CTH: variants seen among roughly 807,000 people sequenced by gnomAD.
The protein encoded by CTH is cystathionine gamma-lyase.
CTH carries 41 observed loss-of-function variants against 50.6 expected under a neutral mutation model. The ratio of observed to expected loss-of-function variants is 0.81; its 90% CI spans 0.63 to 1.05. The LOEUF (loss-of-function observed/expected upper bound fraction) is 1.05, where lower values mean the gene tolerates loss of function less well. Among genes scored for constraint, CTH ranks in the 50% least tolerant of loss-of-function variants. The pLI is 0.00. For synonymous variants in CTH, 156 were observed against 168.9 expected (o/e 0.92, Z 0.59); for missense variants, 470 against 492.6 (o/e 0.95, Z 0.43).
At chr1:70,435,289 G>A (rs1684575028) in intron 10 of CTH, 112 bp downstream of exon 10, 1 of 1,008,738 alleles carries the variant, frequency 9.9e-7, no homozygotes, top group Non-Finnish European at 1.5e-6. Flanking sequence ...AATAAGAATA[G>A]CAGGACATTA....
At chr1:70,435,574 A>C (rs1249932728) in intron 10 of CTH, among the ~76,000 whole-genome samples, 1 of 151,850 alleles carries the variant, frequency 6.6e-6, no homozygotes, top group Admixed American at 6.6e-5. Context: ...GTCTCTGATG[A>C]AACTCCTCCA....
Position 70,411,292 on chromosome 1 carries a change from G to A in CTH, c.-124G>A. 1 of 961,700 alleles carries A rather than the reference G, an allele frequency of 1.0e-6. No individual in the cohort carries two copies. The highest frequency in any genetic ancestry group is 1.7e-6 in the Non-Finnish European group (1 of 585,750). 59.6% of individuals were successfully genotyped at this position (961,700 alleles called of 1,614,324 possible). A position where few individuals can be genotyped will look rare whatever the true frequency, so the allele number is the denominator to read the frequency against. Reference sequence around the variant, plus strand: ...TGCCGCTTTAGTGCGCTCGCCGTCGGCTCTACCTGCGTGCTTTAGCTCCTT... The same window carrying A: ...TGCCGCTTTAGTGCGCTCGCCGTCGACTCTACCTGCGTGCTTTAGCTCCTT... On this transcript the variant is annotated 5_prime_UTR_variant, in exon 1 of 12. Transcript: ENST00000370938.
Position 70,430,395 on chromosome 1 carries a change from G to T in CTH, c.724+1G>T. On this transcript the variant is annotated splice_donor_variant, in intron 7 of 11. Transcript: ENST00000370938. LOFTEE classifies it high-confidence loss of function. Reference sequence around the variant, plus strand: ...AATAGACTTCGTTTCTTGCAAAACTGTAAGTATTAAAAAGTGCAGGTTCCC... The same window carrying T: ...AATAGACTTCGTTTCTTGCAAAACTTTAAGTATTAAAAAGTGCAGGTTCCC... 1 of 1,514,122 alleles carries T rather than the reference G, an allele frequency of 6.6e-7. No individual in the cohort carries two copies. The highest frequency in any genetic ancestry group is 9.2e-7 in the Non-Finnish European group (1 of 1,089,116). 93.8% of individuals were successfully genotyped at this position (1,514,122 alleles called of 1,614,324 possible). A position where few individuals can be genotyped will look rare whatever the true frequency, so the allele number is the denominator to read the frequency against.
chr1:70,439,381 G>A lies in CTH; in HGVS notation c.*254G>A, dbSNP rs1684670185. On this transcript the variant is annotated 3_prime_UTR_variant, in exon 12 of 12. Coordinates refer to ENST00000370938, the MANE Select transcript of CTH (RefSeq NM_001902.6). Reference sequence around the variant, plus strand: ...CTATGTTTGCCTCTGAAGGAGGTGAGATTTGTGCTACTTTGGGAGATTATG... The same window carrying A: ...CTATGTTTGCCTCTGAAGGAGGTGAAATTTGTGCTACTTTGGGAGATTATG... 2 of 492,366 alleles carry A rather than the reference G, an allele frequency of 4.1e-6. No individual in the cohort carries two copies. The highest frequency in any genetic ancestry group is 7.2e-6 in the Non-Finnish European group (2 of 277,234). 30.5% of individuals were successfully genotyped at this position (492,366 alleles called of 1,614,324 possible). A position where few individuals can be genotyped will look rare whatever the true frequency, so the allele number is the denominator to read the frequency against.
Position 70,417,929 on chromosome 1 carries a change from T to C in CTH, c.251-8T>C. On this transcript the variant is annotated splice_polypyrimidine_tract_variant and splice_region_variant and intron_variant, in intron 2 of 11. Transcript: ENST00000370938. Reference sequence around the variant, plus strand: ...TTTCAGCTTACTCTAACTTGATTTTTATTTTAGGTTTGGCCTTTGCTTCAG... The same window carrying C: ...TTTCAGCTTACTCTAACTTGATTTTCATTTTAGGTTTGGCCTTTGCTTCAG... 1.2e-6 allele frequency: 2 copies of C among 1,614,078 alleles called. No individual in the cohort carries two copies. The highest frequency in any genetic ancestry group is 1.7e-4 in the Middle Eastern group (1 of 6,060).
intron 4 of CTH, among the ~76,000 whole-genome samples, chr1:70,422,059 A>T (rs1268154785): frequency 1.3e-5 from 2 of 152,174 alleles, no homozygotes; most frequent in African/African-American, 4.8e-5. Context: ...GGTAATTGTT[A>T]AAAAAATTTC....
At chr1:70,430,471 G>A (rs80241446) in intron 7 of CTH, 77 bp downstream of exon 7, 2 of 762,560 alleles carry the variant, frequency 2.6e-6, no homozygotes, top group African/African-American at 1.7e-5. Context: ...ACTAAGTGAT[G>A]TGAAGTGATG....
chr1:70,428,862 C>T (rs550857562), intron 5 of CTH, among the ~76,000 whole-genome samples: 1 of 152,254 alleles, frequency 6.6e-6, no homozygotes, highest in African/African-American at 2.4e-5. Context: ...ATCCACCCAC[C>T]TCAGCCTCCC....
At chr1:70,435,568 C>T (rs138252547) in intron 10 of CTH, among the ~76,000 whole-genome samples, 1 of 151,974 alleles carries the variant, frequency 6.6e-6, no homozygotes, top group East Asian at 1.9e-4. Flanking sequence ...AAATGTGTCT[C>T]TGATGAAACT....
At chr1:70,435,325 A>G in intron 10 of CTH, 148 bp downstream of exon 10, 2 of 774,080 alleles carry the variant, frequency 2.6e-6, no homozygotes, top group Admixed American at 4.7e-5. Flanking sequence ...AACCCTGTCA[A>G]GATGGAGACC....
In CTH at chr1:70,424,790, G is replaced by A. The variant is rs1316240969; in HGVS notation, c.588+374G>A. Among the ~76,000 whole-genome samples, 5 of 152,050 alleles carry A rather than the reference G, an allele frequency of 3.3e-5. No homozygotes were observed. The East Asian group carries it at 7.7e-4, about 23-fold the overall frequency. On this transcript the variant is annotated intron_variant, in intron 5 of 11. Transcript: ENST00000370938. ...TAAAAATACAAAAAATTAGCTGGGC[G>A]CAGTGGCGGGTGCCTGTAGTCCCAG... is the stretch of plus-strand genomic sequence containing the variant.
chr1:70,436,680 AAAG>A (rs1297141286), intron 10 of CTH, among the ~76,000 whole-genome samples: 2 of 152,088 alleles, frequency 1.3e-5, no homozygotes, highest in African/African-American at 4.8e-5. Context: ...AAAAAAAAAA[AAAG>A]ATGTCTAAAT....
At chr1:70,423,396 C>CAAA (rs984929771) in intron 4 of CTH, among the ~76,000 whole-genome samples, 1 of 132,154 alleles carries the variant, frequency 7.6e-6, no homozygotes, top group African/African-American at 2.8e-5. Flanking sequence ...CCTTTCTCTG[C>CAAA]AAAAAAAAAA....
chr1:70,430,402 T>C lies in CTH; in HGVS notation c.724+8T>C, dbSNP rs757099330. The C allele has an allele frequency of 4.1e-6, 6 of 1,457,848 alleles. No individual in the cohort carries two copies. The highest frequency in any genetic ancestry group is 5.8e-6 in the Non-Finnish European group (6 of 1,037,774). The allele number at this position is 1,457,848 out of a possible 1,614,324, so 90.3% of individuals were successfully genotyped here. ...TTCGTTTCTTGCAAAACTGTAAGTA[T>C]TAAAAAGTGCAGGTTCCCTATGACA... On this transcript the variant is annotated splice_region_variant and intron_variant, in intron 7 of 11. Transcript: ENST00000370938.
intron 6 of CTH, 138 bp from the exon 7 acceptor site, chr1:70,430,179 C>G (rs1684432991): frequency 1.5e-6 from 1 of 664,668 alleles, no homozygotes; most frequent in Non-Finnish European, 2.7e-6. Context: ...ATAAAGGTTA[C>G]TTAAACTTAT....
At chr1:70,420,960 C>T in intron 3 of CTH, among the ~76,000 whole-genome samples, 1 of 151,906 alleles carries the variant, frequency 6.6e-6, no homozygotes, top group East Asian at 1.9e-4. Flanking sequence ...TATTGAGTAT[C>T]AATATCAATT....
intron 3 of CTH, among the ~76,000 whole-genome samples, chr1:70,421,144 A>G (rs1684210981): frequency 6.6e-6 from 1 of 152,232 alleles, no homozygotes; most frequent in African/African-American, 2.4e-5. Flanking sequence ...AAAAAAGTAC[A>G]AAGAATAGTA....
intron 4 of CTH, 37 bp from the exon 5 acceptor site, chr1:70,424,248 T>C: frequency 6.2e-7 from 1 of 1,613,676 alleles, no homozygotes; most frequent in Non-Finnish European, 8.5e-7. Flanking sequence ...GTAAAGTATA[T>C]TTTTACAAAC....
chr1:70,421,804 A>G lies in CTH; in HGVS notation c.456+129A>G, dbSNP rs1400449604. On this transcript the variant is annotated intron_variant, in intron 4 of 11. Transcript: ENST00000370938. ...TTTTATGCCATTGGAAACATCAACA[A>G]AATTAAGATAGACTGTCATCTCCGG... 5 of 913,842 alleles carry G rather than the reference A, an allele frequency of 5.5e-6. No individual in the cohort carries two copies. In the Admixed American group the frequency reaches 8.2e-5, roughly 15 times the overall value. The allele number at this position is 913,842 out of a possible 1,614,324, so 56.6% of individuals were successfully genotyped here.
Sources: gnomAD v4.1 joint callset for allele counts (sites outside exome capture counted in the v4.1 genomes callset) on GRCh38, gnomAD v4.1.1 for gene constraint, MANE v1.5 for transcripts, NCBI Gene and HGNC (gene_info 2026-07-23, HGNC 2026-07-21) for gene names.